Variants in NSUN2 observed in about 807,000 individuals in gnomAD.
The protein encoded by NSUN2 is NOP2/Sun RNA methyltransferase 2, also known as RNA cytosine C(5)-methyltransferase NSUN2.
In NSUN2, 63 loss-of-function variants were observed where a neutral mutation model predicts 92.7. The ratio of observed to expected loss-of-function variants is 0.68; its 90% CI spans 0.56 to 0.84. The LOEUF is 0.84. Among genes scored for constraint, NSUN2 ranks in the 40% least tolerant of loss-of-function variants. NSUN2 has a pLI of 0.00. For missense variants in NSUN2, 989 were observed against 964.9 expected, an observed-to-expected ratio of 1.02 and a Z score of -0.33; for synonymous variants, 356 against 348.3, an observed-to-expected ratio of 1.02 and a Z score of -0.25.
At chr5:6,602,232 G>C (rs2126466870) in intron 18 of NSUN2, among the ~76,000 whole-genome samples, 1 of 151,962 alleles carries the variant, frequency 6.6e-6, no homozygotes, top group Admixed American at 6.5e-5. Flanking sequence ...TTTATTCTCT[G>C]TAAGTAAAAA....
At position 6,631,929 on chromosome 5, in the gene NSUN2, T is replaced by A. The variant is rs1358008224; in HGVS notation, c.303A>T (p.Glu101Asp). 2 of 1,614,032 alleles carry A rather than the reference T, an allele frequency of 1.2e-6. No individual in the cohort carries two copies. Among genetic ancestry groups the A allele is most frequent in the African/African-American group, 2.7e-5 (2 of 74,942 alleles). The stretch of plus-strand genomic sequence containing the variant: ...GACCGTCCACCTCCAGGTCCTCCAA[T>A]TCCTTAAAATATTTGTTCTTTAAGC... ...LHCLKNKYFK[E>D]LEDLEVDGQK... The change falls in exon 3 of 19, where the codon GAA (glutamate) becomes GAT (aspartate). Residue 101 changes from glutamate to aspartate, a missense_variant. Around this residue, in one of 3 missense-constraint regions of NSUN2, gnomAD observed 356 missense variants for 338.6 expected, o/e 1.05. Coordinates refer to ENST00000264670, the MANE Select transcript of NSUN2 (RefSeq NM_017755.6).
intron 9 of NSUN2, among the ~76,000 whole-genome samples, chr5:6,614,706 C>T (rs1040672991): frequency 7.9e-5 from 12 of 152,158 alleles, no homozygotes; most frequent in South Asian, 2.1e-4. Flanking sequence ...GCAAGTAACC[C>T]GGTCTGACAG....
At chr5:6,621,223 C>T (rs1443881098) in intron 6 of NSUN2, 2 of 152,124 alleles carry the variant, frequency 1.3e-5, no homozygotes, top group East Asian at 1.9e-4. Context: ...CATACTGATT[C>T]GTCCCATTTC....
At position 6,599,942 on chromosome 5, in the gene NSUN2, A is replaced by AC; in HGVS notation, c.2287dup (p.Val763GlyfsTer30). On this transcript the variant is annotated frameshift_variant, in exon 19 of 19. Transcript: ENST00000264670. LOFTEE classifies it high-confidence loss of function. ...TGGGCCTGCTCACCGGGGTGGATGGACCCCCGCCGGGTCACAGCCTGCTGT... is the reference window on the plus strand; with the variant it reads ...TGGGCCTGCTCACCGGGGTGGATGGACCCCCCGCCGGGTCACAGCCTGCTGT... The AC allele has an allele frequency of 6.2e-7, 1 of 1,612,672 alleles. No individual in the cohort carries two copies. The highest frequency in any genetic ancestry group is 8.5e-7 in the Non-Finnish European group (1 of 1,179,846).
At position 6,610,949 on chromosome 5, in the gene NSUN2, G is replaced by C. The variant is rs555232181; in HGVS notation, c.1226+6C>G. 7 of 1,613,912 alleles carry C rather than the reference G, an allele frequency of 4.3e-6. No homozygotes were observed. In the East Asian group the frequency reaches 1.6e-4, roughly 36 times the overall value. On this transcript the variant is annotated splice_donor_region_variant and intron_variant, in intron 11 of 18. Coordinates refer to ENST00000264670, the MANE Select transcript of NSUN2 (RefSeq NM_017755.6). ...CTCCCCACACCTGGAGGCCCCACCA[G>C]CTCACCATCGCTCCAGGTGCATGGC...
chr5:6,606,664 T>C (rs1000300357), intron 14 of NSUN2, among the ~76,000 whole-genome samples, 156 bp downstream of exon 14: 5 of 149,442 alleles, frequency 3.3e-5, no homozygotes, highest in African/African-American at 9.9e-5. Flanking sequence ...ACCTCTAAAG[T>C]TTCATCCTGC....
chr5:6,603,448 T>C (rs1736633363), intron 17 of NSUN2, among the ~76,000 whole-genome samples: 1 of 152,238 alleles, frequency 6.6e-6, no homozygotes, highest in Non-Finnish European at 1.5e-5. Flanking sequence ...TCCCAGCACT[T>C]TGGGAGGCTG....
At chr5:6,606,748 G>T in intron 14 of NSUN2, 72 bp downstream of exon 14, 3 of 808,680 alleles carry the variant, frequency 3.7e-6, no homozygotes, top group Non-Finnish European at 6.1e-6. Context: ...ATGGTTACAT[G>T]TGATCAGTTG....
At chr5:6,606,227 A>C (rs1441819661) in intron 14 of NSUN2, among the ~76,000 whole-genome samples, 2 of 152,332 alleles carry the variant, frequency 1.3e-5, no homozygotes, top group Non-Finnish European at 2.9e-5. Flanking sequence ...CTATATACTC[A>C]ATTGAGTAAT....
Position 6,616,865 on chromosome 5 carries a change from G to A in NSUN2, c.891-8C>T. On this transcript the variant is annotated splice_polypyrimidine_tract_variant and splice_region_variant and intron_variant, in intron 8 of 18. Coordinates refer to ENST00000264670, the MANE Select transcript of NSUN2 (RefSeq NM_017755.6). Reference sequence around the variant, plus strand: ...GCAATCCGCAGCTGTAAGCTAAGGGGAGATATCAGATGACTGCAAGGCCAA... The same window carrying A: ...GCAATCCGCAGCTGTAAGCTAAGGGAAGATATCAGATGACTGCAAGGCCAA... 3 of 1,610,784 alleles carry A rather than the reference G, an allele frequency of 1.9e-6. No individual in the cohort carries two copies. Among genetic ancestry groups the A allele is most frequent in the East Asian group, 2.2e-5 (1 of 44,794 alleles).
At position 6,609,871 on chromosome 5, in the gene NSUN2, T is replaced by C. The variant is rs781015126; in HGVS notation, c.1278A>G (p.Val426=). Reference sequence around the variant, plus strand: ...ACGGCATTGAAGATTTTTTCACCAATACTGCCACAAAAAACCCTCCAGTAT... The same window carrying C: ...ACGGCATTGAAGATTTTTTCACCAACACTGCCACAAAAAACCCTCCAGTAT... The part of the protein sequence containing the change: ...HQNTGGFFVA[V]LVKKSSMPWN... The change falls in exon 12 of 19, where the codon GTA becomes GTG. Residue 426 remains valine, a synonymous_variant. Coordinates refer to ENST00000264670, the MANE Select transcript of NSUN2 (RefSeq NM_017755.6). The C allele has an allele frequency of 3.1e-6, 5 of 1,613,856 alleles. No individual in the cohort carries two copies. In the East Asian group the frequency reaches 1.1e-4, roughly 36 times the overall value.
intron 3 of NSUN2, among the ~76,000 whole-genome samples, chr5:6,630,183 C>G (rs2126510599): frequency 6.6e-6 from 1 of 152,318 alleles, no homozygotes; most frequent in South Asian, 2.1e-4. Context: ...TGAAAAACAT[C>G]TACCTTTTCC....
At chr5:6,602,263 T>G (rs1736587977) in intron 18 of NSUN2, among the ~76,000 whole-genome samples, 198 bp downstream of exon 18, 1 of 152,232 alleles carries the variant, frequency 6.6e-6, no homozygotes. Context: ...CTGAGCTGAG[T>G]GTTCTATGAA....
At chr5:6,606,748 G>A (rs1721544206) in intron 14 of NSUN2, 72 bp downstream of exon 14, 1 of 808,600 alleles carries the variant, frequency 1.2e-6, no homozygotes, top group Admixed American at 2.4e-5. Flanking sequence ...ATGGTTACAT[G>A]TGATCAGTTG....
In NSUN2 at chr5:6,599,980, G is replaced by A. The variant is rs1274161739; in HGVS notation, c.2250C>T (p.Asn750=). 7 of 1,614,066 alleles carry A rather than the reference G, an allele frequency of 4.3e-6. No individual in the cohort carries two copies. The highest frequency in any genetic ancestry group is 2.7e-5 in the African/African-American group (2 of 74,940). ...CACAGCCTGCTGTCACGTCTGGACTGTTGGCCTCTTCTGCATCTGGGCTGT... is the reference window on the plus strand; with the variant it reads ...CACAGCCTGCTGTCACGTCTGGACTATTGGCCTCTTCTGCATCTGGGCTGT... ...EPNSPDAEEA[N]SPDVTAGCDP... The change falls in exon 19 of 19, where the codon AAC becomes AAT. Residue 750 remains asparagine, a synonymous_variant. Transcript: ENST00000264670.
At chr5:6,631,030 C>T (rs1737864543) in intron 3 of NSUN2, among the ~76,000 whole-genome samples, 1 of 152,148 alleles carries the variant, frequency 6.6e-6, no homozygotes, top group African/African-American at 2.4e-5. Context: ...GGAGGTGGAG[C>T]TTGCAGTGAG....
chr5:6,631,174 G>A (rs1334903606), intron 3 of NSUN2, among the ~76,000 whole-genome samples: 1 of 152,198 alleles, frequency 6.6e-6, no homozygotes, highest in African/African-American at 2.4e-5. Context: ...ATACCTCAAA[G>A]TTAATAATAA....
intron 9 of NSUN2, among the ~76,000 whole-genome samples, chr5:6,615,394 A>C (rs892744764): frequency 6.6e-6 from 1 of 152,186 alleles, no homozygotes; most frequent in African/African-American, 2.4e-5. Flanking sequence ...CAGTCCTAAC[A>C]ACTGACCCCA....
Position 6,610,935 on chromosome 5 carries a change from T to A in NSUN2, c.1226+20A>T, listed in dbSNP as rs1406707263. On this transcript the variant is annotated intron_variant, in intron 11 of 18. Coordinates refer to ENST00000264670, the MANE Select transcript of NSUN2 (RefSeq NM_017755.6). ...CTTAACCTTCCCCCCTCCCCACACC[T>A]GGAGGCCCCACCAGCTCACCATCGC... 1 of 1,613,482 alleles carries A rather than the reference T, an allele frequency of 6.2e-7. No homozygotes were observed. The highest frequency in any genetic ancestry group is 1.7e-5 in the Admixed American group (1 of 59,988).
Sources: allele counts gnomAD v4.1 joint callset (sites outside exome capture counted in the v4.1 genomes callset), GRCh38; gene constraint gnomAD v4.1.1; regional missense constraint gnomAD v4.1.1; transcripts MANE v1.5; gene names NCBI Gene and HGNC (gene_info 2026-07-23, HGNC 2026-07-21).